The following PSD3 variants were observed in gnomAD, a reference collection of about 807,000 sequenced individuals.
PSD3 encodes the protein pleckstrin and Sec7 domain containing 3.
A neutral mutation model predicts 105.5 loss-of-function variants in PSD3; 49 were observed. The observed-to-expected ratio is 0.46, with a 90% confidence interval of 0.37 to 0.59. The LOEUF is 0.59. PSD3 is among the 20% of genes least tolerant of loss of function. The probability of loss-of-function intolerance (pLI) is 0.00; values close to 1 mark genes in which losing one functional copy is unlikely to be tolerated. For missense variants in PSD3, 1,561 were observed against 1,263.8 expected, an observed-to-expected ratio of 1.24 and a Z score of -3.57; for synonymous variants, 557 against 457.8, an observed-to-expected ratio of 1.22 and a Z score of -2.77.
rs1808450319 is a variant in PSD3, at chr8:18,779,963, C to T, written c.2083-14425G>A. On this transcript the variant is annotated intron_variant, in intron 8 of 15. Transcript: ENST00000327040. Reference sequence around the variant, plus strand: ...TTTGATCTAAAACGAAGTTTAAATCCAATACCTCTTTGTTGATGACTTGGC... The same window carrying T: ...TTTGATCTAAAACGAAGTTTAAATCTAATACCTCTTTGTTGATGACTTGGC... Among the ~76,000 whole-genome samples, 3 of 152,150 alleles carry T rather than the reference C, an allele frequency of 2.0e-5. No individual in the cohort carries two copies. The South Asian group carries it at 6.2e-4, about 32-fold the overall frequency.
intron 9 of PSD3, among the ~76,000 whole-genome samples, chr8:18,711,063 A>C (rs1393988919): frequency 6.6e-6 from 1 of 152,196 alleles, no homozygotes; most frequent in Non-Finnish European, 1.5e-5. Flanking sequence ...AGGGGAAATA[A>C]AATCTTTTTC....
chr8:18,531,121 G>A lies in PSD3; in HGVS notation c.*4622C>T, dbSNP rs1025008632. 6.6e-6 allele frequency: 1 copy of A among 152,576 alleles called. No individual in the cohort carries two copies. Among genetic ancestry groups the A allele is most frequent in the African/African-American group, 2.4e-5 (1 of 41,436 alleles). The allele number at this position is 152,576 out of a possible 1,614,324, so 9.5% of individuals were successfully genotyped here. A position where few individuals can be genotyped will look rare whatever the true frequency, so the allele number is the denominator to read the frequency against. On this transcript the variant is annotated 3_prime_UTR_variant, in exon 16 of 16. Transcript: ENST00000327040. ...TTCTTTGATGACTGACATACTGCCT[G>A]TAAGAATAGTCTCCAAAAGCCTGCA...
intron 14 of PSD3, among the ~76,000 whole-genome samples, chr8:18,571,703 G>C (rs557736686): frequency 6.6e-6 from 1 of 152,236 alleles, no homozygotes; most frequent in South Asian, 2.1e-4. Context: ...TCCCTCTCTT[G>C]CCATGGGACA....
intron 8 of PSD3, among the ~76,000 whole-genome samples, chr8:18,775,619 T>C (rs571160768): frequency 3.3e-5 from 5 of 152,338 alleles, no homozygotes; most frequent in South Asian, 2.1e-4. Context: ...CTGTTGGCCA[T>C]TTCTATGTCT....
At chr8:18,952,732 C>A (rs1823317456) in intron 1 of PSD3, among the ~76,000 whole-genome samples, 1 of 152,176 alleles carries the variant, frequency 6.6e-6, no homozygotes. Flanking sequence ...TACATGTTTA[C>A]AAGTCCATGC....
At chr8:18,891,385 C>G (rs970621137) in intron 2 of PSD3, among the ~76,000 whole-genome samples, 1 of 152,122 alleles carries the variant, frequency 6.6e-6, no homozygotes, top group East Asian at 1.9e-4. Flanking sequence ...TGATTTTGTT[C>G]AAGATTTTCA....
At chr8:18,787,869 C>G (rs191147851) in intron 8 of PSD3, among the ~76,000 whole-genome samples, 47 of 152,282 alleles carry the variant, frequency 3.1e-4, no homozygotes, top group Middle Eastern at 3.4e-3. Flanking sequence ...AAACAAGTGT[C>G]CAAGCTCTAG....
chr8:18,838,655 G>T (rs2129451102), intron 4 of PSD3, among the ~76,000 whole-genome samples: 1 of 151,758 alleles, frequency 6.6e-6, no homozygotes, highest in Middle Eastern at 3.4e-3. Context: ...CAAAAAATTA[G>T]CCGGGCGTGG....
chr8:18,758,520 T>A (rs1056411192), intron 9 of PSD3, among the ~76,000 whole-genome samples: 9 of 152,054 alleles, frequency 5.9e-5, no homozygotes, highest in African/African-American at 2.2e-4. Context: ...ATCTCTAGAT[T>A]TTTAATGGCT....
At chr8:18,970,816 G>A (rs541150749) in intron 1 of PSD3, among the ~76,000 whole-genome samples, 15 of 151,896 alleles carry the variant, frequency 9.9e-5, no homozygotes, top group Admixed American at 7.9e-4. Context: ...TTAGCTGGGC[G>A]TGGCGGTGTG....
At chr8:18,564,131 G>A (rs1327224304) in intron 14 of PSD3, among the ~76,000 whole-genome samples, 2 of 150,566 alleles carry the variant, frequency 1.3e-5, no homozygotes, top group Admixed American at 6.6e-5. Context: ...TTTAATCTAA[G>A]CACTACAAAA....
At chr8:18,951,950 C>G (rs942419259) in intron 1 of PSD3, among the ~76,000 whole-genome samples, 2 of 152,154 alleles carry the variant, frequency 1.3e-5, no homozygotes. Flanking sequence ...GCCTGGGCAA[C>G]AAGAGCAAAA....
intron 12 of PSD3, among the ~76,000 whole-genome samples, chr8:18,581,705 G>C (rs1447233458): frequency 6.6e-6 from 1 of 152,174 alleles, no homozygotes; most frequent in Non-Finnish European, 1.5e-5. Flanking sequence ...GTGATTTTAA[G>C]AGTCCACTAG....
chr8:18,949,244 A>AAAAAAAAAAT (rs1345423514), intron 1 of PSD3, among the ~76,000 whole-genome samples: 19 of 14,400 alleles, frequency 1.3e-3, no homozygotes, highest in South Asian at 9.4e-3. Context: ...AAAAAAAAAA[A>AAAAAAAAAAT]ATATATATAT....
In PSD3 at chr8:18,632,785, CT is replaced by C; in HGVS notation, c.2237del (p.Lys746SerfsTer73). 15 of 1,581,334 alleles carry C rather than the reference CT, an allele frequency of 9.5e-6. No individual in the cohort carries two copies. Among genetic ancestry groups the C allele is most frequent in the Admixed American group, 1.7e-5 (1 of 58,292 alleles). ...TCTCCTCAGTACTTTCTGAGGGAGA[CT>C]TTTTTTTCTCTTCATCATCTCTAAA... Reference protein sequence around the residue: ...EWAVDDEEKKKSPSESTEEKA... With the variant: ...EWAVDDEEKKXSPSESTEEKA... On this transcript the variant is annotated frameshift_variant, in exon 11 of 16. Coordinates refer to ENST00000327040, the MANE Select transcript of PSD3 (RefSeq NM_015310.4). LOFTEE classifies it high-confidence loss of function.
chr8:18,810,766 C>T (rs1464506521), intron 4 of PSD3, among the ~76,000 whole-genome samples: 1 of 152,116 alleles, frequency 6.6e-6, no homozygotes, highest in Non-Finnish European at 1.5e-5. Flanking sequence ...ATGACTTCAG[C>T]TGCAAGTGGA....
At chr8:19,050,759 C>T (rs921376867) in intron 1 of PSD3, among the ~76,000 whole-genome samples, 13 of 152,020 alleles carry the variant, frequency 8.6e-5, no homozygotes, top group African/African-American at 3.1e-4. Flanking sequence ...ATGGGTGCAG[C>T]ACACCAGCAT....
At chr8:18,546,386 C>T (rs1408651559) in intron 15 of PSD3, among the ~76,000 whole-genome samples, 1 of 152,070 alleles carries the variant, frequency 6.6e-6, no homozygotes, top group African/African-American at 2.4e-5. Context: ...AGTCCATGTC[C>T]AATTTTGAGC....
intron 15 of PSD3, among the ~76,000 whole-genome samples, chr8:18,538,393 G>T (rs1055239644): frequency 1.3e-5 from 2 of 152,108 alleles, no homozygotes; most frequent in African/African-American, 4.8e-5. Flanking sequence ...GAAATCAGAG[G>T]ACTGAACAAG....
Sources: allele counts gnomAD v4.1 joint callset (sites outside exome capture counted in the v4.1 genomes callset), GRCh38; gene constraint gnomAD v4.1.1; transcripts MANE v1.5; gene names NCBI Gene and HGNC (gene_info 2026-07-23, HGNC 2026-07-21).